The following TRPV2 variants were observed in gnomAD, a reference collection of about 807,000 sequenced individuals.
TRPV2 encodes OTRPC2.
In TRPV2, 58 loss-of-function variants were observed where a neutral mutation model predicts 91.0. The ratio of observed to expected loss-of-function variants is 0.64; its 90% CI spans 0.52 to 0.79. TRPV2 has a LOEUF of 0.79. Ranked by LOEUF, TRPV2 falls within the 30% of genes least tolerant of loss-of-function variation. The probability of loss-of-function intolerance (pLI) is 0.00; values close to 1 mark genes in which losing one functional copy is unlikely to be tolerated. For missense variants in TRPV2, 807 were observed against 969.6 expected (o/e 0.83, Z 2.23); for synonymous variants, 417 against 414.8 (o/e 1.01, Z -0.06).
intron 14 of TRPV2, among the ~76,000 whole-genome samples, chr17:16,436,466 C>T (rs568969943): frequency 6.6e-6 from 1 of 152,338 alleles, no homozygotes; most frequent in East Asian, 1.9e-4. Flanking sequence ...TCTGCCACCG[C>T]CCCTGCAGGA....
At chr17:16,428,506 T>C (rs4792742) in intron 9 of TRPV2, 119 bp downstream of exon 9, 420,583 of 1,114,038 alleles carry the variant, frequency 0.38, 82,109 homozygotes, top group Non-Finnish European at 0.4. Flanking sequence ...GAAGTCGGGA[T>C]CTGTGTACAG....
chr17:16,416,945 T>A (rs2093333410), intron 1 of TRPV2, among the ~76,000 whole-genome samples: 1 of 152,186 alleles, frequency 6.6e-6, no homozygotes, highest in South Asian at 2.1e-4. Flanking sequence ...AGGCAAGACG[T>A]TGTGTAAAGA....
intron 2 of TRPV2, among the ~76,000 whole-genome samples, chr17:16,418,698 T>C (rs1159274266): frequency 6.6e-6 from 1 of 152,126 alleles, no homozygotes; most frequent in African/African-American, 2.4e-5. Flanking sequence ...GGACGGGCCC[T>C]TGATGCTTTC....
At position 16,422,813 on chromosome 17, in the gene TRPV2, G is replaced by A. The variant is rs1185214157; in HGVS notation, c.549G>A (p.Val183=). ...GTCTGCAGTGTGTGAAGCTCCTGGT[G>A]GAGAATGGGGCCAATGTGCATGCCC... is the stretch of plus-strand genomic sequence containing the variant. ...KRSLQCVKLL[V]ENGANVHARA... The change falls in exon 4 of 15, where the codon GTG becomes GTA. Residue 183 remains valine, a synonymous_variant. Coordinates refer to ENST00000338560, the MANE Select transcript of TRPV2 (RefSeq NM_016113.5). The A allele has an allele frequency of 6.4e-7, 1 of 1,574,752 alleles. No homozygotes were observed. Among genetic ancestry groups the A allele is most frequent in the African/African-American group, 1.4e-5 (1 of 74,040 alleles).
In TRPV2 at chr17:16,428,339, A is replaced by G. The variant is rs1192568221; in HGVS notation, c.1373A>G (p.His458Arg). ...CAGCTGTGGTACTTCTGGCGGCGCC[A>G]CGTGTTCATCTGGATCTCGTTCATA... ...VGQLWYFWRR[H>R]VFIWISFIDS... The change falls in exon 9 of 15, where the codon CAC becomes CGC. Residue 458 changes from histidine to arginine, a missense_variant. Transcript: ENST00000338560. 1 of 1,614,156 alleles carries G rather than the reference A, an allele frequency of 6.2e-7. No individual in the cohort carries two copies.
rs12947543 is a variant in TRPV2, at chr17:16,430,486, C to T, written c.1588-1298C>T. Among the ~76,000 whole-genome samples the T allele has an allele frequency of 9.5e-4, 75 of 79,150 alleles. 15 individuals carry two copies. The highest frequency in any genetic ancestry group is 9.0e-4 in the Non-Finnish European group (24 of 26,794). 51.9% of individuals were successfully genotyped at this position (79,150 alleles called of 152,430 possible). A position where few individuals can be genotyped will look rare whatever the true frequency, so the allele number is the denominator to read the frequency against. ...TTGTAGCATGTGTCAGAAATGCCTT[C>T]CTTTTTTTTTTTTTTTTGAGATGGA... On this transcript the variant is annotated intron_variant, in intron 10 of 14. Transcript: ENST00000338560.
Position 16,432,222 on chromosome 17 carries a change from G to C in TRPV2, c.1911G>C (p.Leu637=). The change falls in exon 12 of 15, where the codon CTG becomes CTC. Residue 637 remains leucine, a synonymous_variant. Transcript: ENST00000338560. ...ACGTGCTGCTCACCTACATCCTGCT[G>C]CTCAACATGCTCATCGCCCTCATGA... ...LAYVLLTYIL[L]LNMLIALMSE... 3 of 1,614,132 alleles carry C rather than the reference G, an allele frequency of 1.9e-6. No individual in the cohort carries two copies. Among genetic ancestry groups the C allele is most frequent in the Non-Finnish European group, 2.5e-6 (3 of 1,179,992 alleles).
intron 13 of TRPV2, among the ~76,000 whole-genome samples, chr17:16,434,284 C>T (rs553387267): frequency 6.6e-6 from 1 of 152,128 alleles, no homozygotes; most frequent in Admixed American, 6.5e-5. Context: ...CTGGCTAACA[C>T]AGTGAAACCC....
In TRPV2 at chr17:16,428,382, C is replaced by T. The variant is rs768885189; in HGVS notation, c.1416C>T (p.Ile472=). ...WISFIDSYFE[I]LFLFQALLTV... ...CGTTCATAGACAGCTACTTTGAAAT[C>T]CTCTTGTACGTGGGTTCTCACTCCT... The change falls in exon 9 of 15, where the codon ATC becomes ATT. Residue 472 remains isoleucine, a synonymous_variant. Coordinates refer to ENST00000338560, the MANE Select transcript of TRPV2 (RefSeq NM_016113.5). 4.3e-5 allele frequency: 70 copies of T among 1,614,056 alleles called. No individual in the cohort carries two copies. Among genetic ancestry groups the T allele is most frequent in the Non-Finnish European group, 5.8e-5 (68 of 1,180,016 alleles).
intron 3 of TRPV2, among the ~76,000 whole-genome samples, chr17:16,421,349 T>G (rs954373796): frequency 2.6e-5 from 4 of 151,996 alleles, no homozygotes; most frequent in African/African-American, 9.7e-5. Flanking sequence ...CCCGAGCAGC[T>G]GGGATTACAG....
rs117341820 is a variant in TRPV2, at chr17:16,425,978, C to T, written c.925-121C>T. The T allele has an allele frequency of 5.5e-3, 5,934 of 1,080,770 alleles. 33 individuals are homozygous for T. The highest frequency in any genetic ancestry group is 0.012 in the African/African-American group (767 of 64,574). The allele number at this position is 1,080,770 out of a possible 1,614,324, so 66.9% of individuals were successfully genotyped here. A position where few individuals can be genotyped will look rare whatever the true frequency, so the allele number is the denominator to read the frequency against. On this transcript the variant is annotated intron_variant, in intron 5 of 14. Transcript: ENST00000338560. ...ACCTGCGTGTATGGGGGTACGTGCA[C>T]GTGTCAGCTGCAGCTCTGCAGACCG... is the stretch of plus-strand genomic sequence containing the variant.
chr17:16,434,240 G>A (rs557493591), intron 13 of TRPV2, among the ~76,000 whole-genome samples: 94 of 152,228 alleles, frequency 6.2e-4, no homozygotes, highest in African/African-American at 1.9e-3. Context: ...AGGCCGAGGC[G>A]GGCAAATCAC....
At chr17:16,416,661 G>A (rs1342772502) in intron 1 of TRPV2, 1 of 152,254 alleles carries the variant, frequency 6.6e-6, no homozygotes, top group East Asian at 1.9e-4. Context: ...GAATCAGACT[G>A]AAAATATAGA....
At chr17:16,419,720 C>T (rs1470225303) in intron 2 of TRPV2, among the ~76,000 whole-genome samples, 1 of 152,226 alleles carries the variant, frequency 6.6e-6, no homozygotes, top group Non-Finnish European at 1.5e-5. Context: ...CTGCGGGGAC[C>T]TCCCACAGCC....
Position 16,415,626 on chromosome 17 carries a change from C to G in TRPV2, c.-315C>G, listed in dbSNP as rs1051944880. On this transcript the variant is annotated 5_prime_UTR_variant, in exon 1 of 15. Coordinates refer to ENST00000338560, the MANE Select transcript of TRPV2 (RefSeq NM_016113.5). The surrounding 1 kb of genome is among the most constrained non-coding windows in gnomAD (Gnocchi z 4.5). The stretch of plus-strand genomic sequence containing the variant: ...GGAGAGTTAAGCTCCCGTTCTCCAC[C>G]GTGCCGGCTGGCCAGGTGGGCTGAG... The G allele has an allele frequency of 6.6e-6, 1 of 152,282 alleles. No individual in the cohort carries two copies. Among genetic ancestry groups the G allele is most frequent in the African/African-American group, 2.4e-5 (1 of 41,440 alleles). The allele number at this position is 152,282 out of a possible 1,614,324, so 9.4% of individuals were successfully genotyped here.
At chr17:16,432,406 T>C (rs2093417519) in intron 12 of TRPV2, 106 bp downstream of exon 12, 2 of 988,226 alleles carry the variant, frequency 2.0e-6, no homozygotes, top group Middle Eastern at 6.6e-4. Flanking sequence ...AGATGCCGGG[T>C]TGGGCAGCTC....
Position 16,417,847 on chromosome 17 carries a change from A to G in TRPV2, c.179A>G (p.Tyr60Cys). The change falls in exon 2 of 15, where the codon TAC becomes TGC. Residue 60 changes from tyrosine to cysteine, a missense_variant. Transcript: ENST00000338560. ...CCTCAGATAAGAGTCAACCTCAACT[A>G]CCGAAAGGGAACAGGTGCCAGGTGA... ...FAPQIRVNLN[Y>C]RKGTGASQPD... is the part of the protein sequence containing the mutation. 6.2e-7 allele frequency: 1 copy of G among 1,614,068 alleles called. No individual in the cohort carries two copies. The highest frequency in any genetic ancestry group is 8.5e-7 in the Non-Finnish European group (1 of 1,179,980).
Position 16,420,185 on chromosome 17 carries a change from C to A in TRPV2, c.271C>A (p.Leu91Met). Residue 91 changes from leucine (L) to methionine (M), a missense_variant, in exon 3 of 15, where the codon CTG (leucine) becomes ATG (methionine). Physicochemically the swap from Leu to Met is conservative, Grantham distance 15. Transcript: ENST00000338560. ...GGTCTCCCGGGGTGTCCCCGAGGAT[C>A]TGGCTGGACTTCCAGAGTACCTGAG... is the stretch of plus-strand genomic sequence containing the variant. The part of the protein sequence containing the change: ...NAVSRGVPED[L>M]AGLPEYLSKT... 6.2e-7 allele frequency: 1 copy of A among 1,614,152 alleles called. No homozygotes were observed. The highest frequency in any genetic ancestry group is 8.5e-7 in the Non-Finnish European group (1 of 1,179,978).
At chr17:16,420,057 C>T in intron 2 of TRPV2, 58 bp from the exon 3 acceptor site, 1 of 1,583,882 alleles carries the variant, frequency 6.3e-7, no homozygotes, top group Non-Finnish European at 8.6e-7. Flanking sequence ...GGATGGAGGG[C>T]TTTTGGGGGG....
Sources: gnomAD v4.1 joint callset for allele counts (sites outside exome capture counted in the v4.1 genomes callset) on GRCh38, gnomAD v4.1.1 for gene constraint, Gnocchi (gnomAD v3.1) non-coding constraint, MANE v1.5 for transcripts, NCBI Gene and HGNC (gene_info 2026-07-23, HGNC 2026-07-21) for gene names.